TRMT2B: variants seen among roughly 807,000 people sequenced by gnomAD.
TRMT2B encodes the protein tRNA (uracil-5-)-methyltransferase homolog B.
A neutral mutation model predicts 39.7 loss-of-function variants in TRMT2B; 34 were observed. The ratio of observed to expected loss-of-function variants is 0.86; its 90% CI spans 0.65 to 1.14. The LOEUF (loss-of-function observed/expected upper bound fraction) is 1.14. Ranked by LOEUF, TRMT2B falls within the 50% of genes most tolerant of loss-of-function variation. The pLI is 0.00. For missense variants in TRMT2B, 318 were observed against 377.2 expected, an observed-to-expected ratio of 0.84 and a Z score of 1.30; for synonymous variants, 132 against 137.3, an observed-to-expected ratio of 0.96 and a Z score of 0.27.
intron 7 of TRMT2B, among the ~76,000 whole-genome samples, chrX:101,030,454 C>CTTTTTT (rs1331923176): frequency 9.7e-5 from 7 of 71,846 alleles, no homozygotes; most frequent in African/African-American, 1.3e-4. Context: ...GATCTGCATT[C>CTTTTTT]TTTTTTTTTT....
At chrX:101,038,371 C>CAAAAAAAAA (rs57481304) in intron 4 of TRMT2B, among the ~76,000 whole-genome samples, 6 of 35,187 alleles carry the variant, frequency 1.7e-4, no homozygotes, top group Non-Finnish European at 2.1e-4. Context: ...AACTCCGTCT[C>CAAAAAAAAA]AAAAAAAAAA....
intron 7 of TRMT2B, among the ~76,000 whole-genome samples, chrX:101,030,053 A>G (rs1393855946): frequency 2.7e-5 from 3 of 111,098 alleles, no homozygotes; most frequent in African/African-American, 9.8e-5. Context: ...TGAGGTCAGG[A>G]GTTTGAGACC....
intron 13 of TRMT2B, among the ~76,000 whole-genome samples, chrX:101,016,708 G>T (rs1396231094): frequency 1.0e-5 from 1 of 96,631 alleles, no homozygotes; most frequent in Non-Finnish European, 2.0e-5. Context: ...GTGCAATGGC[G>T]CAGTCTCAGC....
the TRMT2B span, among the ~76,000 whole-genome samples, chrX:100,989,608 C>CAA: frequency 5.2e-5 from 3 of 57,335 alleles, no homozygotes; most frequent in Non-Finnish European, 6.7e-5. Context: ...GACTCCATCT[C>CAA]AAAAAAAAAA....
intron 7 of TRMT2B, among the ~76,000 whole-genome samples, chrX:101,027,236 CT>C (rs771559223): frequency 1.3e-3 from 129 of 100,215 alleles, no homozygotes; most frequent in Admixed American, 1.3e-3. Flanking sequence ...CAGTTTCTTT[CT>C]TTTTTTTTTT....
At chrX:100,978,333 GTCTA>G in the TRMT2B span, among the ~76,000 whole-genome samples, 13 of 111,706 alleles carry the variant, frequency 1.2e-4, no homozygotes, top group East Asian at 1.7e-3. Context: ...CTGTATTGGG[GTCTA>G]TCTCTCTCTC....
chrX:101,037,191 G>A lies in TRMT2B; in HGVS notation c.439-118C>T, dbSNP rs2087894802. 1.1e-5 allele frequency: 6 copies of A among 545,665 alleles called. No homozygotes were observed. In the Admixed American group the frequency reaches 1.4e-4, roughly 13 times the overall value. 45.0% of individuals were successfully genotyped at this position (545,665 alleles called of 1,213,427 possible). A position where few individuals can be genotyped will look rare whatever the true frequency, so the allele number is the denominator to read the frequency against. On this transcript the variant is annotated intron_variant, in intron 5 of 13. Transcript: ENST00000372936. ...AGGACAAATAAGGTTTGCTTGGAGG[G>A]TATGGCATATGTGAAAGTCTGTGGC...
the TRMT2B span, among the ~76,000 whole-genome samples, chrX:101,004,113 T>C: frequency 1.8e-5 from 2 of 111,945 alleles, no homozygotes; most frequent in African/African-American, 6.5e-5. Context: ...GCAATTCTTC[T>C]GCCTCAGCCT....
rs776329921 is a variant in TRMT2B at position 101,023,468 on chromosome X, A to G, written c.756+2T>C. 8.3e-6 allele frequency: 10 copies of G among 1,205,312 alleles called. No homozygotes were observed. The African/African-American group carries it at 1.7e-4, about 21-fold the overall frequency. On this transcript the variant is annotated splice_donor_variant, in intron 8 of 13. Coordinates refer to ENST00000372936, the MANE Select transcript of TRMT2B (RefSeq NM_024917.6). LOFTEE classifies it high-confidence loss of function. ...GGTTGCTTAACATCTTGTGAGGCTC[A>G]CCTGACTTAATTTCTGGGGATGGAA...
At chrX:101,047,207 G>GAA (rs58813758) in intron 2 of TRMT2B, among the ~76,000 whole-genome samples, 3 of 82,710 alleles carry the variant, frequency 3.6e-5, no homozygotes. Flanking sequence ...ACCCTGTCTC[G>GAA]AAAAAAAAAA....
At chrX:100,978,261 T>G in the TRMT2B span, among the ~76,000 whole-genome samples, 1 of 112,139 alleles carries the variant, frequency 8.9e-6, no homozygotes, top group African/African-American at 3.2e-5. Context: ...GTACAATGTT[T>G]CATTGTTGAT....
the TRMT2B span, among the ~76,000 whole-genome samples, chrX:101,000,985 T>C: frequency 9.0e-6 from 1 of 111,188 alleles, no homozygotes; most frequent in Non-Finnish European, 1.9e-5. Context: ...TAAATTAGAT[T>C]GCCCTAGCCC....
chrX:101,018,452 T>C (rs2086630877), intron 13 of TRMT2B, among the ~76,000 whole-genome samples: 1 of 108,416 alleles, frequency 9.2e-6, no homozygotes, highest in Non-Finnish European at 1.9e-5. Flanking sequence ...CTTTTTTTTT[T>C]TTTTTTCTGA....
chrX:101,043,267 C>CAA (rs34679171), intron 2 of TRMT2B, among the ~76,000 whole-genome samples: 15 of 101,776 alleles, frequency 1.5e-4, no homozygotes, highest in Non-Finnish European at 1.8e-4. Flanking sequence ...AACTCTGTCT[C>CAA]AAAAAAAAAA....
chrX:101,023,686 G>C, intron 7 of TRMT2B, 70 bp from the exon 8 acceptor site: 1 of 1,069,827 alleles, frequency 9.3e-7, no homozygotes, highest in Non-Finnish European at 1.3e-6. Flanking sequence ...CATGCTAGGT[G>C]ATTGTTTGTG....
At chrX:101,020,734 A>G in intron 10 of TRMT2B, 146 bp from the exon 11 acceptor site, 2 of 505,768 alleles carry the variant, frequency 4.0e-6, no homozygotes, top group Non-Finnish European at 6.8e-6. Context: ...CAATGGCACA[A>G]TCACAGTTCA....
intron 2 of TRMT2B, among the ~76,000 whole-genome samples, chrX:101,044,691 T>C (rs1313280434): frequency 1.8e-5 from 2 of 109,856 alleles, no homozygotes; most frequent in Non-Finnish European, 3.8e-5. Context: ...AATACAAAAA[T>C]TAGCTGGGCG....
chrX:100,988,662 A>G, the TRMT2B span: 3 of 621,654 alleles, frequency 4.8e-6, no homozygotes, highest in Admixed American at 1.3e-4. Context: ...TCCTCACTCT[A>G]TGGTTGGTGA....
rs1214490428 is a variant in TRMT2B at position 101,019,039 on chromosome X, G to C, written c.1320C>G (p.Phe440Leu). ...HYKVIQAIRN[F>L]RAIHTLVFVS... ...CAAAAACTAGCGTGTGGATGGCCCT[G>C]AAGTTTCGAATGGCTTGAATCACCT... The change falls in exon 13 of 14, where the codon TTC (phenylalanine) becomes TTG (leucine). Residue 440 changes from phenylalanine to leucine, a missense_variant. By Grantham distance (22) the Phe-to-Leu change is conservative. Coordinates refer to ENST00000372936, the MANE Select transcript of TRMT2B (RefSeq NM_024917.6). 1 of 1,207,140 alleles carries C rather than the reference G, an allele frequency of 8.3e-7. No individual in the cohort carries two copies. Among genetic ancestry groups the C allele is most frequent in the East Asian group, 3.0e-5 (1 of 33,810 alleles).
Sources: gnomAD v4.1 joint callset for allele counts (sites outside exome capture counted in the v4.1 genomes callset) on GRCh38, gnomAD v4.1.1 for gene constraint, MANE v1.5 for transcripts, NCBI Gene and HGNC (gene_info 2026-07-23, HGNC 2026-07-21) for gene names.